The following SLC1A2 variants were observed in gnomAD, a reference collection of about 807,000 sequenced individuals.
The protein encoded by SLC1A2 is excitatory amino acid transporter 2.
A neutral mutation model predicts 48.8 loss-of-function variants in SLC1A2; 15 were observed. That is an observed-to-expected ratio of 0.31 (90% CI 0.21 to 0.47). SLC1A2 has a LOEUF of 0.47. Among genes scored for constraint, SLC1A2 ranks in the 20% least tolerant of loss-of-function variants. SLC1A2 has a pLI of 0.99. For synonymous variants in SLC1A2, 279 were observed against 272.6 expected, an observed-to-expected ratio of 1.02 and a Z score of -0.23; for missense variants, 502 against 730.5, an observed-to-expected ratio of 0.69 and a Z score of 3.61.
At position 35,304,336 on chromosome 11, in the gene SLC1A2, A is replaced by G. The variant is rs1412444074; in HGVS notation, c.730+1738T>C. On this transcript the variant is annotated intron_variant, in intron 5 of 10. Transcript: ENST00000278379. ...TCCTGAGTATGGAGAAGACTGAGGA[A>G]CACTTTGACAAAAGGGGGTTGGGTG... Among the ~76,000 whole-genome samples the G allele has an allele frequency of 2.6e-5, 4 of 152,128 alleles. 1 individual carries two copies. Among genetic ancestry groups the G allele is most frequent in the Non-Finnish European group, 4.4e-5 (3 of 68,022 alleles).
At chr11:35,380,226 C>A in intron 1 of SLC1A2, 1 of 396,300 alleles carries the variant, frequency 2.5e-6, no homozygotes, top group Non-Finnish European at 4.4e-6. Context: ...CTCAGCTCTG[C>A]AGTCCTGTGA....
intron 1 of SLC1A2, among the ~76,000 whole-genome samples, chr11:35,365,674 C>T (rs1008091349): frequency 6.6e-6 from 1 of 152,192 alleles, no homozygotes; most frequent in South Asian, 2.1e-4. Context: ...TGAACTATTT[C>T]TGTTTTCTTT....
At chr11:35,283,164 A>C (rs1565212492) in intron 8 of SLC1A2, among the ~76,000 whole-genome samples, 1 of 152,140 alleles carries the variant, frequency 6.6e-6, no homozygotes, top group Non-Finnish European at 1.5e-5. Context: ...TGGGATTTGA[A>C]CACTGGTCTG....
intron 1 of SLC1A2, among the ~76,000 whole-genome samples, chr11:35,357,564 T>A (rs2135113674): frequency 6.6e-6 from 1 of 152,272 alleles, no homozygotes; most frequent in Middle Eastern, 3.4e-3. Context: ...GCAACACCAC[T>A]TATAAAATAA....
At position 35,278,075 on chromosome 11, in the gene SLC1A2, G is replaced by A. The variant is rs146838455; in HGVS notation, c.1421+2792C>T. On this transcript the variant is annotated intron_variant, in intron 9 of 10. Coordinates refer to ENST00000278379, the MANE Select transcript of SLC1A2 (RefSeq NM_004171.4). Reference sequence around the variant, plus strand: ...AATAACCAAGCTAGCAGGTAGGGACGCCACTACCACCACCTGAGAGACTGG... The same window carrying A: ...AATAACCAAGCTAGCAGGTAGGGACACCACTACCACCACCTGAGAGACTGG... Among the ~76,000 whole-genome samples, 4 of 152,186 alleles carry A rather than the reference G, an allele frequency of 2.6e-5. No homozygotes were observed. The East Asian group carries it at 5.8e-4, about 22-fold the overall frequency.
chr11:35,343,133 G>T (rs1852903265), intron 1 of SLC1A2, among the ~76,000 whole-genome samples: 1 of 152,240 alleles, frequency 6.6e-6, no homozygotes, highest in African/African-American at 2.4e-5. Context: ...AATACAGGGT[G>T]GTTGCAGGAG....
chr11:35,317,428 G>A lies in SLC1A2; in HGVS notation c.106C>T (p.Arg36Cys), dbSNP rs796998590. The change falls in exon 2 of 11, where the codon CGC becomes TGC. Residue 36 changes from arginine to cysteine, a missense_variant. Transcript: ENST00000278379. ...TTCTTCCCCAGCTTGTCACACAGGC[G>A]CAGGCCCAGGTGCCGGTGCTTGGGT... ...EEPKHRHLGL[R>C]LCDKLGKNLL... The A allele has an allele frequency of 3.7e-6, 6 of 1,614,152 alleles. No individual in the cohort carries two copies. The highest frequency in any genetic ancestry group is 3.3e-5 in the Admixed American group (2 of 60,022).
At chr11:35,420,091 T>G, upstream of SLC1A2, 1 of 252,032 alleles carries the variant, frequency 4.0e-6, no homozygotes, top group Non-Finnish European at 8.9e-6. Flanking sequence ...TTAATATTAA[T>G]GCAGCTCCCT....
intron 1 of SLC1A2, among the ~76,000 whole-genome samples, chr11:35,379,916 T>C (rs1854367848): frequency 6.6e-6 from 1 of 152,226 alleles, no homozygotes; most frequent in African/African-American, 2.4e-5. Flanking sequence ...CTCCTTTCCA[T>C]GATTATCACT....
chr11:35,381,065 T>A (rs1854407202), intron 1 of SLC1A2, among the ~76,000 whole-genome samples: 1 of 152,238 alleles, frequency 6.6e-6, no homozygotes, highest in Non-Finnish European at 1.5e-5. Context: ...GAGATTTTTT[T>A]AAGAGTTTGC....
chr11:35,295,382 C>T (rs6484774), intron 6 of SLC1A2, among the ~76,000 whole-genome samples: 11,160 of 152,180 alleles, frequency 0.073, 1,333 homozygotes, highest in African/African-American at 0.25. Context: ...GCCTTCACTC[C>T]GAAACTGGGA....
intron 4 of SLC1A2, among the ~76,000 whole-genome samples, chr11:35,309,883 C>T (rs1851632462): frequency 6.6e-6 from 1 of 152,190 alleles, no homozygotes; most frequent in South Asian, 2.1e-4. Context: ...TCCAAAGGGA[C>T]CTTGATACTG....
intron 1 of SLC1A2, among the ~76,000 whole-genome samples, chr11:35,329,225 T>C (rs1268756167): frequency 6.6e-6 from 1 of 152,232 alleles, no homozygotes; most frequent in East Asian, 1.9e-4. Flanking sequence ...TGGTGCTGAA[T>C]AGGTGAAGCA....
intron 1 of SLC1A2, among the ~76,000 whole-genome samples, chr11:35,415,917 C>T (rs1855589709): frequency 6.6e-6 from 1 of 152,232 alleles, no homozygotes. Context: ...GTAATGGACA[C>T]TAGCCTGGCT....
At chr11:35,281,627 A>C (rs985436528) in intron 8 of SLC1A2, among the ~76,000 whole-genome samples, 25 of 152,294 alleles carry the variant, frequency 1.6e-4, no homozygotes, top group African/African-American at 5.8e-4. Context: ...AATGATAATG[A>C]AAGAAAGGAA....
chr11:35,324,469 A>G (rs1487870205), intron 1 of SLC1A2, among the ~76,000 whole-genome samples: 1 of 152,226 alleles, frequency 6.6e-6, no homozygotes, highest in Non-Finnish European at 1.5e-5. Context: ...GTGAGATGAT[A>G]TCTATGAAAG....
chr11:35,386,343 C>T (rs1331239198), intron 1 of SLC1A2, among the ~76,000 whole-genome samples: 1 of 151,544 alleles, frequency 6.6e-6, no homozygotes, highest in African/African-American at 2.4e-5. Context: ...TTTTATTGTG[C>T]CAGAAAAAAA....
rs76727365 is a variant in SLC1A2 at position 35,264,512 on chromosome 11, T to C, written c.1653+1015A>G. Among the ~76,000 whole-genome samples the C allele has an allele frequency of 2.0e-3, 306 of 152,306 alleles. 7 individuals are homozygous for C. In the East Asian group the frequency reaches 0.056, roughly 28 times the overall value. ...CTCCAAGTTTGCTTTACTCTGGTCA[T>C]GACACTCTGACTTTGACAATGTCAA... On this transcript the variant is annotated intron_variant, in intron 10 of 10. Coordinates refer to ENST00000278379, the MANE Select transcript of SLC1A2 (RefSeq NM_004171.4).
intron 6 of SLC1A2, among the ~76,000 whole-genome samples, chr11:35,300,794 T>C (rs758250241): frequency 9.2e-5 from 14 of 152,148 alleles, no homozygotes; most frequent in Non-Finnish European, 1.3e-4. Context: ...GGTGGGAAGA[T>C]CACTTGAGCC....
Sources: allele counts gnomAD v4.1 joint callset (sites outside exome capture counted in the v4.1 genomes callset), GRCh38; gene constraint gnomAD v4.1.1; transcripts MANE v1.5; gene names NCBI Gene and HGNC (gene_info 2026-07-23, HGNC 2026-07-21).